PDZD2: variants seen among roughly 807,000 people sequenced by gnomAD.
PDZD2 encodes the protein PDZ domain-containing protein 2.
PDZD2 carries 90 observed loss-of-function variants against 220.7 expected under a neutral mutation model. That is an observed-to-expected ratio of 0.41 (90% CI 0.34 to 0.49). The LOEUF (loss-of-function observed/expected upper bound fraction) is 0.49. Ranked by LOEUF, PDZD2 falls within the 20% of genes least tolerant of loss-of-function variation. The pLI is 0.28. For synonymous variants in PDZD2, 1,375 were observed against 1,450.5 expected, an observed-to-expected ratio of 0.95 and a Z score of 1.18; for missense variants, 3,174 against 3,608.5, an observed-to-expected ratio of 0.88 and a Z score of 3.08.
At chr5:32,079,442 T>C (rs1741695153) in intron 19 of PDZD2, among the ~76,000 whole-genome samples, 1 of 151,690 alleles carries the variant, frequency 6.6e-6, no homozygotes, top group African/African-American at 2.4e-5. Context: ...AGCGCCTGCC[T>C]TCTGATTGGT....
At chr5:31,813,150 T>C (rs967663534) in intron 2 of PDZD2, among the ~76,000 whole-genome samples, 5 of 152,092 alleles carry the variant, frequency 3.3e-5, no homozygotes, top group Admixed American at 2.0e-4. Flanking sequence ...AGCAAGATAT[T>C]TAAAATCTAA....
Position 31,678,572 on chromosome 5 carries a change from C to T in PDZD2, c.-361+39135C>T, listed in dbSNP as rs560325547. On this transcript the variant is annotated intron_variant, in intron 1 of 24. Transcript: ENST00000438447. ...GACGTCAGTCTCTAGGGTGATTCATCACAGCACCCCCTACAGCCTGGGTGT... is the reference window on the plus strand; with the variant it reads ...GACGTCAGTCTCTAGGGTGATTCATTACAGCACCCCCTACAGCCTGGGTGT... 2.0e-3 allele frequency among the ~76,000 whole-genome samples: 312 copies of T among 152,212 alleles called. 5 individuals are homozygous for T. The highest frequency in any genetic ancestry group is 8.7e-4 in the Non-Finnish European group (59 of 68,014).
At chr5:31,956,233 A>G (rs2111653617) in intron 2 of PDZD2, among the ~76,000 whole-genome samples, 1 of 152,062 alleles carries the variant, frequency 6.6e-6, no homozygotes, top group East Asian at 1.9e-4. Flanking sequence ...CTCCTACTGT[A>G]CTGCTGCTTA....
Position 32,074,545 on chromosome 5 carries a change from G to A in PDZD2, c.3439G>A (p.Gly1147Ser), listed in dbSNP as rs1741100435. The A allele has an allele frequency of 6.2e-7, 1 of 1,614,102 alleles. No homozygotes were observed. Among genetic ancestry groups the A allele is most frequent in the South Asian group, 1.1e-5 (1 of 91,084 alleles). ...PSGSQTVNLT[G>S]RANDPCDLDS... ...TGGCTCACAGACAGTGAACCTGACT[G>A]GCAGAGCCAATGATCCATGCGATCT... Residue 1147 changes from glycine (G) to serine (S), a missense_variant, in exon 18 of 25, where the codon GGC (glycine) becomes AGC (serine). Coordinates refer to ENST00000438447, the MANE Select transcript of PDZD2 (RefSeq NM_178140.4).
chr5:31,655,795 G>A (rs1333075467), intron 1 of PDZD2, among the ~76,000 whole-genome samples: 1 of 152,200 alleles, frequency 6.6e-6, no homozygotes, highest in Non-Finnish European at 1.5e-5. Flanking sequence ...AGTGAAGCCA[G>A]CATTGCAAAC....
chr5:31,658,856 T>C lies in PDZD2; in HGVS notation c.-361+19419T>C, dbSNP rs1580527410. 2.0e-5 allele frequency among the ~76,000 whole-genome samples: 3 copies of C among 152,200 alleles called. No homozygotes were observed. The South Asian group carries it at 6.2e-4, about 32-fold the overall frequency. ...GGCTGGTCTTGAATTCCTGACCTCGTGATCCGCCCGCCTCATCATCCCAAA... is the reference window on the plus strand; with the variant it reads ...GGCTGGTCTTGAATTCCTGACCTCGCGATCCGCCCGCCTCATCATCCCAAA... On this transcript the variant is annotated intron_variant, in intron 1 of 24. Transcript: ENST00000438447.
At chr5:31,888,401 A>G (rs1405106957) in intron 2 of PDZD2, among the ~76,000 whole-genome samples, 2 of 152,198 alleles carry the variant, frequency 1.3e-5, no homozygotes, top group African/African-American at 4.8e-5. Flanking sequence ...CATGTTGGCC[A>G]GGCTGGTCTC....
intron 1 of PDZD2, among the ~76,000 whole-genome samples, chr5:31,648,355 A>G (rs1009168203): frequency 6.6e-6 from 1 of 152,142 alleles, no homozygotes; most frequent in African/African-American, 2.4e-5. Flanking sequence ...GTCTCTTTCA[A>G]GCTAGTTCTT....
At chr5:31,952,289 A>G (rs1348738535) in intron 2 of PDZD2, among the ~76,000 whole-genome samples, 1 of 152,248 alleles carries the variant, frequency 6.6e-6, no homozygotes, top group African/African-American at 2.4e-5. Flanking sequence ...CATAGCAGAC[A>G]GTGATTTGAA....
At chr5:31,977,603 C>T (rs1482369997) in intron 2 of PDZD2, among the ~76,000 whole-genome samples, 3 of 152,204 alleles carry the variant, frequency 2.0e-5, no homozygotes, top group African/African-American at 7.2e-5. Flanking sequence ...TTGCTCAAAA[C>T]TTTCTTTGAG....
At chr5:31,760,898 G>A (rs1240399757) in intron 1 of PDZD2, among the ~76,000 whole-genome samples, 1 of 152,164 alleles carries the variant, frequency 6.6e-6, no homozygotes. Flanking sequence ...CTCCAGCCTG[G>A]GCGATGAGAG....
intron 2 of PDZD2, among the ~76,000 whole-genome samples, chr5:31,959,838 A>T (rs1748051026): frequency 6.6e-6 from 1 of 152,142 alleles, no homozygotes; most frequent in Admixed American, 6.5e-5. Context: ...TTGGTTCCTT[A>T]TGGAGGCTTT....
At chr5:31,879,323 C>T (rs931809879) in intron 2 of PDZD2, among the ~76,000 whole-genome samples, 1 of 150,340 alleles carries the variant, frequency 6.7e-6, no homozygotes. Flanking sequence ...GGAGGCCGAG[C>T]TTGCAGTGAG....
chr5:31,775,119 G>C (rs952971704), intron 1 of PDZD2, among the ~76,000 whole-genome samples: 5 of 152,160 alleles, frequency 3.3e-5, no homozygotes, highest in African/African-American at 1.2e-4. Context: ...TCTTCCTCAC[G>C]CTATAGTACA....
intron 24 of PDZD2, 104 bp downstream of exon 24, chr5:32,101,343 T>A: frequency 1.9e-6 from 2 of 1,027,334 alleles, no homozygotes; most frequent in Non-Finnish European, 2.8e-6. Context: ...AAACCTAAAC[T>A]GTTTTTAATG....
At chr5:32,006,954 C>T (rs1443100605) in intron 5 of PDZD2, among the ~76,000 whole-genome samples, 9 of 110,344 alleles carry the variant, frequency 8.2e-5, no homozygotes, top group African/African-American at 2.4e-4. Flanking sequence ...CTCGCTCTGT[C>T]TCCCAGGCTG....
At chr5:31,964,462 CAG>C (rs1748532589) in intron 2 of PDZD2, among the ~76,000 whole-genome samples, 2 of 152,216 alleles carry the variant, frequency 1.3e-5, no homozygotes, top group Admixed American at 6.5e-5. Context: ...GTATTAGGGA[CAG>C]AGAGTCCTAA....
intron 14 of PDZD2, 32 bp downstream of exon 14, chr5:32,061,166 A>G (rs1321317178): frequency 1.2e-6 from 2 of 1,608,938 alleles, no homozygotes; most frequent in Non-Finnish European, 1.7e-6. Flanking sequence ...TGAACGTGGG[A>G]AGATGATACA....
chr5:31,880,393 C>T (rs1405300478), intron 2 of PDZD2, among the ~76,000 whole-genome samples: 1 of 152,210 alleles, frequency 6.6e-6, no homozygotes, highest in Non-Finnish European at 1.5e-5. Context: ...TTGCCCATGT[C>T]TCAACATTCT....
Sources: allele counts gnomAD v4.1 joint callset (sites outside exome capture counted in the v4.1 genomes callset), GRCh38; gene constraint gnomAD v4.1.1; transcripts MANE v1.5; gene names NCBI Gene and HGNC (gene_info 2026-07-23, HGNC 2026-07-21).